The following TEX9 variants were observed in gnomAD, a reference collection of about 807,000 sequenced individuals.
The protein encoded by TEX9 is testis expressed 9.
Under a neutral mutation model 59.6 loss-of-function variants are expected in TEX9, and 74 were observed. The observed-to-expected ratio is 1.24, with a 90% CI of 1.03 to 1.51. TEX9 has a LOEUF of 1.51. TEX9 is among the 40% of genes most tolerant of loss of function. The probability of loss-of-function intolerance (pLI) is 0.00; values close to 1 mark genes in which losing one functional copy is unlikely to be tolerated. For synonymous variants in TEX9, 186 were observed against 152.2 expected (o/e 1.22, Z -1.64); for missense variants, 522 against 447.8 (o/e 1.17, Z -1.49).
At chr15:56,348,036 G>T (rs2046505491) in intron 1 of TEX9, among the ~76,000 whole-genome samples, 2 of 152,010 alleles carry the variant, frequency 1.3e-5, no homozygotes, top group Non-Finnish European at 2.9e-5. Flanking sequence ...CATCCATGTT[G>T]GTAATGGAAA....
At chr15:56,427,661 G>A in exon 11 of TEX9, 1 of 1,548,610 alleles carries the variant, frequency 6.5e-7, no homozygotes, top group Non-Finnish European at 8.7e-7. Flanking sequence ...AAAACAAGAA[G>A]CTAGAAAAAC....
chr15:56,446,990 A>C, downstream of TEX9: 1 of 1,322,376 alleles, frequency 7.6e-7, no homozygotes, highest in South Asian at 1.2e-5. Context: ...ACCATAAGAG[A>C]ATGAAAACCT....
chr15:56,283,046 T>TG lies in TEX9; in HGVS notation c.-107+38769dup, dbSNP rs1341464917. Among the ~76,000 whole-genome samples the TG allele has an allele frequency of 1.8e-4, 15 of 81,376 alleles. No individual in the cohort carries two copies. In the East Asian group the frequency reaches 2.4e-3, roughly 13 times the overall value. The allele number at this position is 81,376 out of a possible 152,430, so 53.4% of individuals were successfully genotyped here. Reference sequence around the variant, plus strand: ...GTTTTTATTTATAGTGTGTACATTGTGTGGTGTGTGTGTGTGTGTGTGTGT... The same window carrying TG: ...GTTTTTATTTATAGTGTGTACATTGTGGTGGTGTGTGTGTGTGTGTGTGTGT... On this transcript the variant is annotated intron_variant, in intron 1 of 5. Transcript: ENST00000560827.
intron 12 of TEX9, among the ~76,000 whole-genome samples, chr15:56,440,145 G>A (rs2050794791): frequency 6.6e-6 from 1 of 151,974 alleles, no homozygotes; most frequent in Non-Finnish European, 1.5e-5. Flanking sequence ...ACACCAAAGA[G>A]GACAGCAAAT....
chr15:56,343,317 T>A (rs906072516), intron 1 of TEX9, among the ~76,000 whole-genome samples: 8 of 152,096 alleles, frequency 5.3e-5, no homozygotes, highest in African/African-American at 1.7e-4. Context: ...ATCAATTTTT[T>A]AACTTTCAAA....
chr15:56,383,018 A>T (rs2047801129), intron 3 of TEX9, among the ~76,000 whole-genome samples: 1 of 152,212 alleles, frequency 6.6e-6, no homozygotes, highest in South Asian at 2.1e-4. Context: ...AGGACCCCAG[A>T]GCACTTTGGC....
intron 1 of TEX9, among the ~76,000 whole-genome samples, chr15:56,256,433 G>A (rs1287887569): frequency 6.6e-6 from 1 of 151,942 alleles, no homozygotes; most frequent in Non-Finnish European, 1.5e-5. Context: ...CCAGGTATGC[G>A]TGTTTTAAAA....
Position 56,419,844 on chromosome 15 carries a change from G to A in TEX9, c.963+7408G>A, listed in dbSNP as rs1315759582. ...TTTCAGATAAGTTTTTGTAGGGTTG[G>A]TATTATTTTTTCTTTGAATGTCTGG... is the stretch of plus-strand genomic sequence containing the variant. On this transcript the variant is annotated intron_variant, in intron 10 of 12. Coordinates refer to ENST00000352903, the Ensembl canonical transcript of TEX9. 5.3e-5 allele frequency among the ~76,000 whole-genome samples: 8 copies of A among 151,890 alleles called. 1 individual carries two copies. Among genetic ancestry groups the A allele is most frequent in the Admixed American group, 5.2e-4 (8 of 15,268 alleles).
At chr15:56,375,397 T>C (rs1323746506) in intron 3 of TEX9, among the ~76,000 whole-genome samples, 1 of 152,042 alleles carries the variant, frequency 6.6e-6, no homozygotes, top group Non-Finnish European at 1.5e-5. Context: ...TTGAGTTCAT[T>C]GTAGATTCTG....
chr15:56,277,556 A>G (rs760247356), intron 1 of TEX9, among the ~76,000 whole-genome samples: 6 of 152,160 alleles, frequency 3.9e-5, no homozygotes, highest in Admixed American at 1.3e-4. Flanking sequence ...TACCAGTACT[A>G]TGCTGTTTTG....
At chr15:56,354,216 CT>C (rs1304331327) in intron 1 of TEX9, among the ~76,000 whole-genome samples, 3 of 152,180 alleles carry the variant, frequency 2.0e-5, no homozygotes, top group Non-Finnish European at 2.9e-5. Context: ...ATGTCACTGG[CT>C]TTTGCTCCAC....
rs541233354 is a variant in TEX9 at position 56,412,993 on chromosome 15, A to AGT, written c.963+560_963+561dup. ...TTATTGTAAGGATCACCGTAACTCC[A>AGT]GTGTCTAGCCAATGCTTGGCATAGA... On this transcript the variant is annotated intron_variant, in intron 10 of 12. Coordinates refer to ENST00000352903, the Ensembl canonical transcript of TEX9. Among the ~76,000 whole-genome samples the AGT allele has an allele frequency of 2.4e-3, 372 of 152,156 alleles. 2 individuals are homozygous for AGT. Among genetic ancestry groups the AGT allele is most frequent in the South Asian group, 5.6e-3 (27 of 4,832 alleles).
At chr15:56,280,944 G>A (rs1250788295) in intron 1 of TEX9, among the ~76,000 whole-genome samples, 1 of 152,172 alleles carries the variant, frequency 6.6e-6, no homozygotes, top group Non-Finnish European at 1.5e-5. Context: ...AAGCAAAGTT[G>A]ACATTCATAG....
intron 9 of TEX9, among the ~76,000 whole-genome samples, chr15:56,407,263 GTCT>G (rs2049124889): frequency 6.6e-6 from 1 of 152,098 alleles, no homozygotes; most frequent in Admixed American, 6.6e-5. Context: ...TTATGTATGG[GTCT>G]TCTTTGAACT....
chr15:56,420,506 C>T (rs1596227939), intron 10 of TEX9, among the ~76,000 whole-genome samples: 1 of 151,732 alleles, frequency 6.6e-6, no homozygotes, highest in East Asian at 1.9e-4. Flanking sequence ...TGGGGTTTCA[C>T]CATGTTGGCC....
At chr15:56,335,993 G>A (rs1442034786) in intron 1 of TEX9, among the ~76,000 whole-genome samples, 2 of 152,098 alleles carry the variant, frequency 1.3e-5, no homozygotes, top group African/African-American at 4.8e-5. Flanking sequence ...AACTTAGGAT[G>A]CATTTATTTA....
At chr15:56,317,550 T>A (rs578053611) in intron 1 of TEX9, among the ~76,000 whole-genome samples, 2 of 152,204 alleles carry the variant, frequency 1.3e-5, no homozygotes, top group Non-Finnish European at 2.9e-5. Context: ...TAATCTTTAT[T>A]ATTTTCTTCC....
intron 1 of TEX9, among the ~76,000 whole-genome samples, chr15:56,348,935 T>G (rs1596108395): frequency 6.6e-6 from 1 of 151,508 alleles, no homozygotes; most frequent in East Asian, 1.9e-4. Flanking sequence ...TTTTCTCTTT[T>G]TTTTCTGGTT....
chr15:56,265,291 C>T (rs373508638), intron 1 of TEX9, among the ~76,000 whole-genome samples: 6 of 151,694 alleles, frequency 4.0e-5, no homozygotes, highest in African/African-American at 1.5e-4. Context: ...TCAGCCTCCC[C>T]GAGTTGCTGA....
Sources: gnomAD v4.1 joint callset for allele counts (sites outside exome capture counted in the v4.1 genomes callset) on GRCh38, gnomAD v4.1.1 for gene constraint, MANE v1.5 for transcripts, NCBI Gene and HGNC (gene_info 2026-07-23, HGNC 2026-07-21) for gene names.